The following EVL variants were observed in gnomAD, a reference collection of about 807,000 sequenced individuals.
EVL encodes Enah/Vasp-like.
EVL carries 21 observed loss-of-function variants against 59.6 expected under a neutral mutation model. The ratio of observed to expected loss-of-function variants is 0.35; its 90% CI spans 0.25 to 0.51. The LOEUF is 0.51. Among genes scored for constraint, EVL ranks in the 20% least tolerant of loss-of-function variants. The probability of loss-of-function intolerance (pLI) is 0.97; values close to 1 mark genes in which losing one functional copy is unlikely to be tolerated. For missense variants in EVL, 462 were observed against 546.6 expected (o/e 0.85, Z 1.54); for synonymous variants, 198 against 203.5 (o/e 0.97, Z 0.23).
intron 1 of EVL, among the ~76,000 whole-genome samples, chr14:100,040,778 G>A (rs2061456616): frequency 6.6e-6 from 1 of 152,184 alleles, no homozygotes; most frequent in African/African-American, 2.4e-5. Flanking sequence ...TCACTTAGCT[G>A]TTGTATGCTG....
chr14:99,994,238 T>C (rs745356446), intron 1 of EVL, among the ~76,000 whole-genome samples: 71 of 151,896 alleles, frequency 4.7e-4, no homozygotes, highest in South Asian at 1.9e-3. Flanking sequence ...AATCTATGTC[T>C]TTTAATTGGA....
upstream of EVL, among the ~76,000 whole-genome samples, chr14:100,063,353 G>A (rs972158246): frequency 6.6e-6 from 1 of 152,344 alleles, no homozygotes; most frequent in African/African-American, 2.4e-5. Flanking sequence ...TGCAGTCAGT[G>A]TCCAGAAGCT....
chr14:100,124,360 A>G (rs979493745), intron 4 of EVL, among the ~76,000 whole-genome samples: 1 of 151,966 alleles, frequency 6.6e-6, no homozygotes, highest in African/African-American at 2.4e-5. Flanking sequence ...CCTCTCACCA[A>G]ATGGCATACG....
At chr14:100,084,936 T>G in intron 2 of EVL, 81 bp downstream of exon 2, 1 of 1,485,906 alleles carries the variant, frequency 6.7e-7, no homozygotes, top group Non-Finnish European at 9.2e-7. Flanking sequence ...CATGTATCAT[T>G]AAGAGGTCAG....
intron 12 of EVL, 52 bp from the exon 13 acceptor site, chr14:100,141,684 C>T: frequency 6.3e-7 from 1 of 1,593,324 alleles, no homozygotes; most frequent in Admixed American, 1.7e-5. Flanking sequence ...CCCAGGCCGG[C>T]TTTTCCGTCT....
At chr14:100,064,858 C>T (rs2061899180), upstream of EVL, among the ~76,000 whole-genome samples, 1 of 152,124 alleles carries the variant, frequency 6.6e-6, no homozygotes, top group Admixed American at 6.5e-5. Flanking sequence ...GGCGGTGAGC[C>T]AAGATCGTGC....
chr14:100,134,639 C>T (rs1426144763), intron 8 of EVL: 1 of 152,242 alleles, frequency 6.6e-6, no homozygotes, highest in Non-Finnish European at 1.5e-5. Flanking sequence ...TGGTATTTCC[C>T]CAATTCTCTG....
chr14:100,079,987 A>G (rs1406850198), intron 1 of EVL, among the ~76,000 whole-genome samples: 1 of 151,670 alleles, frequency 6.6e-6, no homozygotes, highest in East Asian at 1.9e-4. Flanking sequence ...TGCATTACTG[A>G]TTTCCTACAT....
intron 1 of EVL, among the ~76,000 whole-genome samples, chr14:99,988,002 C>T (rs1295146686): frequency 6.7e-6 from 1 of 148,354 alleles, no homozygotes. Context: ...ACTATCTCTG[C>T]CCCCTGAGTT....
chr14:100,112,924 A>G (rs543617342), intron 3 of EVL, among the ~76,000 whole-genome samples: 1 of 152,336 alleles, frequency 6.6e-6, no homozygotes, highest in Admixed American at 6.5e-5. Context: ...ATGCACCAGA[A>G]CACAAAGATG....
chr14:100,043,974 T>A (rs185115249), intron 1 of EVL, among the ~76,000 whole-genome samples: 45 of 152,008 alleles, frequency 3.0e-4, no homozygotes, highest in Admixed American at 2.7e-3. Context: ...ATTATGGAGG[T>A]TGTAAAGTCC....
At chr14:100,030,546 G>A (rs1247254827) in intron 1 of EVL, among the ~76,000 whole-genome samples, 2 of 152,154 alleles carry the variant, frequency 1.3e-5, no homozygotes, top group African/African-American at 4.8e-5. Flanking sequence ...TCCAGCTAGA[G>A]TACTTCTAGT....
intron 1 of EVL, among the ~76,000 whole-genome samples, chr14:100,031,567 C>G (rs1055340810): frequency 1.3e-5 from 2 of 152,154 alleles, no homozygotes; most frequent in African/African-American, 4.8e-5. Flanking sequence ...GTGGCTTGTA[C>G]AGACTACAAT....
At chr14:100,137,532 A>C in intron 9 of EVL, 46 bp from the exon 10 acceptor site, 1 of 1,600,826 alleles carries the variant, frequency 6.2e-7, no homozygotes, top group Non-Finnish European at 8.5e-7. Context: ...GTGGCTACTG[A>C]GTCCCTTCAC....
At chr14:99,975,144 C>T (rs1026807950) in intron 1 of EVL, 4 of 152,304 alleles carry the variant, frequency 2.6e-5, no homozygotes, top group African/African-American at 7.2e-5. Flanking sequence ...TGGTCTCATT[C>T]GCCATTTGGT....
chr14:100,022,150 A>G (rs2061136039), intron 1 of EVL, among the ~76,000 whole-genome samples: 1 of 152,100 alleles, frequency 6.6e-6, no homozygotes. Context: ...ATGAATATAA[A>G]GGGGGAAGCA....
At position 100,043,330 on chromosome 14, in the gene EVL, T is replaced by C. The variant is rs373320714; in HGVS notation, c.6-41357T>C. The stretch of plus-strand genomic sequence containing the variant: ...GTGTGTATATGTATATGTATAGATA[T>C]ACAAGGGAGGACTTATTAGAGGTAT... On this transcript the variant is annotated intron_variant, in intron 1 of 13. Coordinates refer to the EVL transcript ENST00000402714. 2.8e-4 allele frequency among the ~76,000 whole-genome samples: 42 copies of C among 152,058 alleles called. 3 individuals carry two copies. The highest frequency in any genetic ancestry group is 1.7e-3 in the Admixed American group (26 of 15,258).
intron 1 of EVL, among the ~76,000 whole-genome samples, chr14:100,057,055 C>G (rs1489177415): frequency 6.6e-6 from 1 of 152,184 alleles, no homozygotes; most frequent in Non-Finnish European, 1.5e-5. Context: ...AAAGAAGATA[C>G]AGGCAAATTG....
intron 1 of EVL, chr14:99,975,012 C>G (rs2060760324): frequency 6.6e-6 from 1 of 151,864 alleles, no homozygotes; most frequent in African/African-American, 2.4e-5. Flanking sequence ...TGATGGGGAC[C>G]TACTCCTTGG....
Sources: allele counts gnomAD v4.1 joint callset (sites outside exome capture counted in the v4.1 genomes callset), GRCh38; gene constraint gnomAD v4.1.1; transcripts MANE v1.5; gene names NCBI Gene and HGNC (gene_info 2026-07-23, HGNC 2026-07-21).